The following ACTR3C variants were observed in gnomAD, a reference collection of about 807,000 sequenced individuals.
ACTR3C encodes the protein actin related protein 3C.
A neutral mutation model predicts 26.3 loss-of-function variants in ACTR3C; 18 were observed. That is an observed-to-expected ratio of 0.68 (90% CI 0.47 to 1.01). The LOEUF (loss-of-function observed/expected upper bound fraction) is 1.01, where lower values mean the gene tolerates loss of function less well. Ranked by LOEUF, ACTR3C falls within the 50% of genes least tolerant of loss-of-function variation. The probability of loss-of-function intolerance (pLI) is 0.00; values close to 1 mark genes in which losing one functional copy is unlikely to be tolerated. For synonymous variants in ACTR3C, 55 were observed against 94.5 expected (o/e 0.58, Z 2.42); for missense variants, 184 against 250.7 (o/e 0.73, Z 1.80).
At chr7:149,983,075 C>A in the ACTR3C span, among the ~76,000 whole-genome samples, 1 of 152,186 alleles carries the variant, frequency 6.6e-6, no homozygotes, top group Non-Finnish European at 1.5e-5. Flanking sequence ...GATATCCATA[C>A]AAGAGAACTG....
chr7:150,142,965 G>C, the ACTR3C span, among the ~76,000 whole-genome samples: 2 of 151,910 alleles, frequency 1.3e-5, no homozygotes, highest in African/African-American at 2.4e-5. Context: ...CTCCCCAGTA[G>C]CTAGGATTAC....
intron 6 of ACTR3C, among the ~76,000 whole-genome samples, chr7:150,260,097 T>A (rs1010577941): frequency 1.3e-5 from 2 of 152,252 alleles, no homozygotes; most frequent in African/African-American, 4.8e-5. Context: ...ACCCATTGTG[T>A]ATATATTGCC....
At chr7:150,203,110 C>T in the ACTR3C span, among the ~76,000 whole-genome samples, 1 of 152,202 alleles carries the variant, frequency 6.6e-6, no homozygotes, top group South Asian at 2.1e-4. Flanking sequence ...GGACCAGCAG[C>T]ATCAGCATCA....
the ACTR3C span, among the ~76,000 whole-genome samples, chr7:150,082,290 G>A: frequency 2.0e-5 from 3 of 152,054 alleles, no homozygotes; most frequent in Non-Finnish European, 2.9e-5. Flanking sequence ...AATGGTCTCC[G>A]GTGTCCACTC....
chr7:149,943,170 T>G, the ACTR3C span, among the ~76,000 whole-genome samples: 1 of 144,658 alleles, frequency 6.9e-6, no homozygotes, highest in Non-Finnish European at 1.5e-5. Context: ...ATGTGTTGAC[T>G]ATTGCTTCAG....
the ACTR3C span, among the ~76,000 whole-genome samples, chr7:149,918,050 T>C: frequency 2.6e-5 from 4 of 152,224 alleles, no homozygotes; most frequent in African/African-American, 7.2e-5. Context: ...GCTTGCTGCA[T>C]AGAAAAGCAT....
At chr7:150,040,184 T>C in the ACTR3C span, among the ~76,000 whole-genome samples, 1 of 148,228 alleles carries the variant, frequency 6.7e-6, no homozygotes, top group African/African-American at 2.5e-5. Flanking sequence ...TTGCTTCTTG[T>C]ACTAGCAGGG....
At chr7:150,306,424 A>C (rs1166146608) in intron 1 of ACTR3C, among the ~76,000 whole-genome samples, 1 of 152,124 alleles carries the variant, frequency 6.6e-6, no homozygotes, top group African/African-American at 2.4e-5. Context: ...CCTATCCAAC[A>C]GGTAGTTTAT....
chr7:150,011,221 T>A, the ACTR3C span, among the ~76,000 whole-genome samples: 1 of 152,154 alleles, frequency 6.6e-6, no homozygotes, highest in Non-Finnish European at 1.5e-5. Context: ...TATGTCTCTA[T>A]CTCTAAATAA....
At chr7:150,094,001 G>T in the ACTR3C span, among the ~76,000 whole-genome samples, 1 of 150,448 alleles carries the variant, frequency 6.6e-6, no homozygotes, top group Admixed American at 6.6e-5. Context: ...TCGGTTTTCT[G>T]GTGAGGAGAG....
chr7:150,127,509 C>T, the ACTR3C span, among the ~76,000 whole-genome samples: 1 of 151,576 alleles, frequency 6.6e-6, no homozygotes. Context: ...CATGCCACAC[C>T]ACAAAATTCT....
At chr7:150,082,517 G>A in the ACTR3C span, among the ~76,000 whole-genome samples, 5 of 152,160 alleles carry the variant, frequency 3.3e-5, no homozygotes, top group African/African-American at 4.8e-5. Context: ...AGGATAGGGG[G>A]CCTCGTGGTG....
the ACTR3C span, among the ~76,000 whole-genome samples, chr7:150,148,605 G>A: frequency 7.2e-5 from 11 of 152,160 alleles, no homozygotes; most frequent in African/African-American, 2.7e-4. Flanking sequence ...AAATGGCTTT[G>A]GCTATCTTAA....
At chr7:150,010,069 C>T in the ACTR3C span, among the ~76,000 whole-genome samples, 2 of 152,220 alleles carry the variant, frequency 1.3e-5, no homozygotes, top group Admixed American at 6.5e-5. Context: ...GACACCTGCT[C>T]GGCTTCATCT....
the ACTR3C span, among the ~76,000 whole-genome samples, chr7:149,984,119 A>G: frequency 1.1e-4 from 17 of 152,304 alleles, no homozygotes; most frequent in Non-Finnish European, 2.1e-4. Context: ...ATCACAAAAA[A>G]AAGAAAGAAA....
At chr7:150,181,777 A>G in the ACTR3C span, among the ~76,000 whole-genome samples, 3 of 150,764 alleles carry the variant, frequency 2.0e-5, no homozygotes, top group South Asian at 2.1e-4. Context: ...CTTGAAAAAG[A>G]TCAACAAATA....
chr7:150,011,348 A>G, the ACTR3C span, among the ~76,000 whole-genome samples: 1 of 152,150 alleles, frequency 6.6e-6, no homozygotes, highest in East Asian at 1.9e-4. Flanking sequence ...GCACTTTGGG[A>G]GGCCAAGGCA....
chr7:150,013,227 T>A, the ACTR3C span, among the ~76,000 whole-genome samples: 1 of 143,484 alleles, frequency 7.0e-6, no homozygotes, highest in East Asian at 2.0e-4. Flanking sequence ...CAGTATGTTT[T>A]CTAGCTGAAT....
At chr7:150,094,953 ACCCCCAGCCCCCACAG>A in the ACTR3C span, among the ~76,000 whole-genome samples, 1 of 140,906 alleles carries the variant, frequency 7.1e-6, no homozygotes, top group African/African-American at 2.8e-5. Context: ...CTGCTCCAGC[ACCCCCAGCCCCCACAG>A]CCCCCCAGCC....
Sources: gnomAD v4.1 joint callset for allele counts (sites outside exome capture counted in the v4.1 genomes callset) on GRCh38, gnomAD v4.1.1 for gene constraint, MANE v1.5 for transcripts, NCBI Gene and HGNC (gene_info 2026-07-23, HGNC 2026-07-21) for gene names.